COL24A1: variants seen among roughly 807,000 people sequenced by gnomAD.
The protein encoded by COL24A1 is collagen alpha-1(XXIV) chain.
A neutral mutation model predicts 253.9 loss-of-function variants in COL24A1; 224 were observed. The ratio of observed to expected loss-of-function variants is 0.88; its 90% CI spans 0.79 to 0.99. COL24A1 has a LOEUF of 0.99. Ranked by LOEUF, COL24A1 falls within the 50% of genes least tolerant of loss-of-function variation. COL24A1 has a pLI of 0.00. For missense variants in COL24A1, 2,131 were observed against 2,068.5 expected (o/e 1.03, Z -0.59); for synonymous variants, 685 against 673.7 (o/e 1.02, Z -0.26).
In COL24A1 at chr1:85,761,442, A is replaced by C. The variant is rs369742171; in HGVS notation, c.4411-20T>G. On this transcript the variant is annotated intron_variant, in intron 54 of 59. Transcript: ENST00000370571. Reference sequence around the variant, plus strand: ...TGGACCCTAGAACACAGCAAATTAAAAAAAATACACATTTATTTAGTAGAC... The same window carrying C: ...TGGACCCTAGAACACAGCAAATTAACAAAAATACACATTTATTTAGTAGAC... 9 of 1,613,992 alleles carry C rather than the reference A, an allele frequency of 5.6e-6. No individual in the cohort carries two copies. The African/African-American group carries it at 8.0e-5, about 14-fold the overall frequency.
chr1:85,942,181 C>G (rs1340892137), intron 24 of COL24A1, among the ~76,000 whole-genome samples: 3 of 152,158 alleles, frequency 2.0e-5, no homozygotes, highest in African/African-American at 7.2e-5. Flanking sequence ...GCTAGTTAGA[C>G]TATGGTTTTT....
At chr1:85,744,536 C>T in intron 57 of COL24A1, 130 bp downstream of exon 57, 1 of 631,614 alleles carries the variant, frequency 1.6e-6, no homozygotes, top group East Asian at 2.8e-5. Flanking sequence ...TTCTTGATGA[C>T]ATTAAAATGG....
chr1:85,927,122 G>A lies in COL24A1; in HGVS notation c.2563-15689C>T, dbSNP rs772059624. 2.5e-3 allele frequency among the ~76,000 whole-genome samples: 376 copies of A among 152,252 alleles called. 7 individuals are homozygous for A. The highest frequency in any genetic ancestry group is 9.3e-4 in the Non-Finnish European group (63 of 68,018). On this transcript the variant is annotated intron_variant, in intron 24 of 59. Transcript: ENST00000370571. ...ACAGCTCCGGTCTACAGCTCCCAGC[G>A]TGAGCGACGCAGAAGACGGGTGATT...
intron 24 of COL24A1, among the ~76,000 whole-genome samples, chr1:85,954,023 A>G (rs1690191645): frequency 6.6e-6 from 1 of 152,190 alleles, no homozygotes; most frequent in Non-Finnish European, 1.5e-5. Flanking sequence ...GCAAAGTTCC[A>G]TTTTAATATC....
At chr1:86,066,090 T>C (rs1701454688) in intron 7 of COL24A1, among the ~76,000 whole-genome samples, 1 of 152,156 alleles carries the variant, frequency 6.6e-6, no homozygotes, top group African/African-American at 2.4e-5. Context: ...GCTGCTAAGA[T>C]AAGCTGCTTT....
chr1:85,898,960 A>C (rs72952595), intron 28 of COL24A1, among the ~76,000 whole-genome samples: 1,810 of 152,236 alleles, frequency 0.012, 29 homozygotes, highest in African/African-American at 0.04. Context: ...AGCAGAAAAA[A>C]CAGCAAGTGC....
rs1460285747 is a variant in COL24A1, at chr1:85,781,278, T to C, written c.4285-5A>G. On this transcript the variant is annotated splice_region_variant and splice_polypyrimidine_tract_variant and intron_variant, in intron 51 of 59. Coordinates refer to ENST00000370571, the MANE Select transcript of COL24A1 (RefSeq NM_152890.7). ...GCCAAGGGGACCAGTGTTTCCCTGTTGAGGTAAAAGAAAAACAGTCTCACT... is the reference window on the plus strand; with the variant it reads ...GCCAAGGGGACCAGTGTTTCCCTGTCGAGGTAAAAGAAAAACAGTCTCACT... The C allele has an allele frequency of 3.1e-6, 5 of 1,598,928 alleles. No homozygotes were observed. Among genetic ancestry groups the C allele is most frequent in the South Asian group, 1.1e-5 (1 of 88,144 alleles).
At chr1:86,018,427 T>C (rs1308599222) in intron 18 of COL24A1, among the ~76,000 whole-genome samples, 1 of 152,176 alleles carries the variant, frequency 6.6e-6, no homozygotes, top group Non-Finnish European at 1.5e-5. Context: ...ATACTGAAGT[T>C]CTTAAAATGA....
intron 38 of COL24A1, among the ~76,000 whole-genome samples, chr1:85,848,985 G>A (rs886264530): frequency 1.2e-4 from 18 of 152,106 alleles, no homozygotes; most frequent in Non-Finnish European, 5.9e-5. Flanking sequence ...AATAATTATA[G>A]TTACATTCTC....
intron 14 of COL24A1, among the ~76,000 whole-genome samples, chr1:86,025,493 T>A (rs946360287): frequency 6.6e-6 from 1 of 152,138 alleles, no homozygotes; most frequent in African/African-American, 2.4e-5. Flanking sequence ...CCCACCATAC[T>A]CACACGTGAT....
chr1:85,987,896 G>C (rs11811165), intron 19 of COL24A1, among the ~76,000 whole-genome samples: 10,214 of 151,862 alleles, frequency 0.067, 626 homozygotes, highest in Admixed American at 0.2. Context: ...CTCTAGTTCA[G>C]TTTAAGAGAG....
At position 85,919,049 on chromosome 1, in the gene COL24A1, T is replaced by A. The variant is rs573446149; in HGVS notation, c.2563-7616A>T. ...AAAGTGATATGTACCACTTTTTTTT[T>A]AAGTCAGTTTCTTTTTTCCTTTTGC... On this transcript the variant is annotated intron_variant, in intron 24 of 59. Transcript: ENST00000370571. Among the ~76,000 whole-genome samples, 7 of 152,290 alleles carry A rather than the reference T, an allele frequency of 4.6e-5. No homozygotes were observed. The East Asian group carries it at 1.3e-3, about 29-fold the overall frequency.
At position 85,919,484 on chromosome 1, in the gene COL24A1, GC is replaced by G. The variant is rs576579408; in HGVS notation, c.2563-8052del. 4.1e-3 allele frequency among the ~76,000 whole-genome samples: 625 copies of G among 152,296 alleles called. 5 individuals carry two copies. The Middle Eastern group carries it at 0.051, about 12-fold the overall frequency. On this transcript the variant is annotated intron_variant, in intron 24 of 59. Coordinates refer to ENST00000370571, the MANE Select transcript of COL24A1 (RefSeq NM_152890.7). ...GCTTGAAGCCAGGAGTTCAAGACCA[GC>G]CTGGGCAACAAAGTGAGACCCTGTC...
Position 85,833,817 on chromosome 1 carries a change from G to A in COL24A1, c.3681+4768C>T, listed in dbSNP as rs1235949024. ...AAGGATGAGTTCATGTCCTTTGTAG[G>A]GACATGGATGAAACTGGAAACCATC... On this transcript the variant is annotated intron_variant, in intron 43 of 59. Transcript: ENST00000370571. Among the ~76,000 whole-genome samples, 6 of 152,164 alleles carry A rather than the reference G, an allele frequency of 3.9e-5. No individual in the cohort carries two copies. In the East Asian group the frequency reaches 9.7e-4, roughly 24 times the overall value.
chr1:86,062,858 CTT>C (rs1378293070), intron 8 of COL24A1, among the ~76,000 whole-genome samples: 2 of 152,086 alleles, frequency 1.3e-5, no homozygotes, highest in African/African-American at 4.8e-5. Context: ...TACTGTCTAA[CTT>C]AACATGAATG....
chr1:86,133,003 G>A (rs1351696788), intron 2 of COL24A1, among the ~76,000 whole-genome samples: 6 of 47,518 alleles, frequency 1.3e-4, no homozygotes, highest in Admixed American at 2.6e-4. Context: ...CTATGAGCAC[G>A]GAATGTTCTT....
chr1:85,797,272 G>T (rs1670932148), intron 47 of COL24A1, among the ~76,000 whole-genome samples: 1 of 151,850 alleles, frequency 6.6e-6, no homozygotes, highest in Admixed American at 6.6e-5. Flanking sequence ...TCTCCTATGG[G>T]CCTGACATGG....
At chr1:85,948,746 A>G (rs1571335021) in intron 24 of COL24A1, among the ~76,000 whole-genome samples, 1 of 151,438 alleles carries the variant, frequency 6.6e-6, no homozygotes, top group South Asian at 2.1e-4. Flanking sequence ...TGATACCAAA[A>G]CCTGGCAGAG....
chr1:85,968,790 T>C (rs1254016501), intron 22 of COL24A1, among the ~76,000 whole-genome samples: 2 of 152,176 alleles, frequency 1.3e-5, no homozygotes, highest in Non-Finnish European at 2.9e-5. Context: ...GGAAAGAATC[T>C]CACTGGAATC....
Sources: allele counts gnomAD v4.1 joint callset (sites outside exome capture counted in the v4.1 genomes callset), GRCh38; gene constraint gnomAD v4.1.1; transcripts MANE v1.5; gene names NCBI Gene and HGNC (gene_info 2026-07-23, HGNC 2026-07-21).